Variants in CNIH3 observed in about 807,000 individuals in gnomAD.
CNIH3 encodes the protein protein cornichon homolog 3.
Under a neutral mutation model 24.1 loss-of-function variants are expected in CNIH3, and 14 were observed. The ratio of observed to expected loss-of-function variants is 0.58; its 90% confidence interval spans 0.38 to 0.91. The LOEUF (loss-of-function observed/expected upper bound fraction) is 0.91, where lower values mean the gene tolerates loss of function less well. Ranked by LOEUF, CNIH3 falls within the 40% of genes least tolerant of loss-of-function variation. The pLI is 0.00. For synonymous variants in CNIH3, 68 were observed against 73.8 expected, an observed-to-expected ratio of 0.92 and a Z score of 0.40; for missense variants, 178 against 196.8, an observed-to-expected ratio of 0.90 and a Z score of 0.57.
At position 224,639,567 on chromosome 1, in the gene CNIH3, G is replaced by A. The variant is rs1684255159; in HGVS notation, c.81+22312G>A. 2.6e-5 allele frequency among the ~76,000 whole-genome samples: 4 copies of A among 152,332 alleles called. No individual in the cohort carries two copies. In the South Asian group the frequency reaches 8.3e-4, roughly 32 times the overall value. On this transcript the variant is annotated intron_variant, in intron 1 of 5. Coordinates refer to ENST00000272133, the MANE Select transcript of CNIH3 (RefSeq NM_152495.2). Reference sequence around the variant, plus strand: ...GCCAGAACATGTTTGGTTCCCTGTAGAAACTAAAGATAACATCTTAACATA... The same window carrying A: ...GCCAGAACATGTTTGGTTCCCTGTAAAAACTAAAGATAACATCTTAACATA...
rs915702542 is a variant in CNIH3 at position 224,604,613 on chromosome 1, T to C, written n.402+38349T>C. On this transcript the variant is annotated intron_variant and non_coding_transcript_variant, in intron 3 of 7. Transcript: ENST00000478120. This position sits in a 1 kb window ranked among gnomAD's most constrained non-coding sequence, Gnocchi z 4.4. Reference sequence around the variant, plus strand: ...GGAGCCAGGGATGGGGCTCCCAGACTGTTTAGCTAGAGGAGAGCAGAAGGC... The same window carrying C: ...GGAGCCAGGGATGGGGCTCCCAGACCGTTTAGCTAGAGGAGAGCAGAAGGC... Among the ~76,000 whole-genome samples, 1 of 152,154 alleles carries C rather than the reference T, an allele frequency of 6.6e-6. No homozygotes were observed. Among genetic ancestry groups the C allele is most frequent in the Non-Finnish European group, 1.5e-5 (1 of 68,016 alleles).
intron 1 of CNIH3, among the ~76,000 whole-genome samples, chr1:224,499,743 G>A (rs1891243): frequency 0.52 from 78,470 of 151,654 alleles, 21,816 homozygotes; most frequent in East Asian, 0.76. Flanking sequence ...AATACACGCC[G>A]TTATTTGCTT....
chr1:224,570,715 A>G (rs1428320926), intron 4 of CNIH3, among the ~76,000 whole-genome samples: 1 of 152,118 alleles, frequency 6.6e-6, no homozygotes, highest in East Asian at 1.9e-4. Flanking sequence ...TTTCCTTTAT[A>G]GTTTATATTT....
intron 1 of CNIH3, among the ~76,000 whole-genome samples, chr1:224,494,642 G>A (rs1443851744): frequency 2.0e-5 from 3 of 152,000 alleles, no homozygotes; most frequent in Non-Finnish European, 2.9e-5. Flanking sequence ...TGGTTCTTTC[G>A]GGGTTCCTTT....
At chr1:224,483,662 T>C (rs1676905115) in intron 1 of CNIH3, among the ~76,000 whole-genome samples, 1 of 151,530 alleles carries the variant, frequency 6.6e-6, no homozygotes, top group South Asian at 2.1e-4. Flanking sequence ...CATCCCAAAG[T>C]TCTGGGATTA....
chr1:224,436,689 T>C (rs6426123), intron 1 of CNIH3: 104,577 of 152,124 alleles, frequency 0.69, 38,416 homozygotes, highest in East Asian at 0.99. Context: ...CTCTGGGTCT[T>C]TAGGTCTTTC....
chr1:224,504,839 G>A (rs1462621590), intron 1 of CNIH3, among the ~76,000 whole-genome samples: 6 of 152,258 alleles, frequency 3.9e-5, no homozygotes, highest in South Asian at 2.1e-4. Flanking sequence ...GCTGTTTAGA[G>A]GATCAGATGA....
rs189972983 is a variant in CNIH3 at position 224,504,639 on chromosome 1, C to G, written n.204-11102C>G. 3.5e-3 allele frequency among the ~76,000 whole-genome samples: 538 copies of G among 152,220 alleles called. 4 individuals carry two copies. Among genetic ancestry groups the G allele is most frequent in the African/African-American group, 0.012 (505 of 41,540 alleles). On this transcript the variant is annotated intron_variant and non_coding_transcript_variant, in intron 1 of 5. Transcript: ENST00000471578. ...TCATGTGTCACTAGTCCAACCCCACCTTAATCTTTTTCTGGGTTCTCCTGT... is the reference window on the plus strand; with the variant it reads ...TCATGTGTCACTAGTCCAACCCCACGTTAATCTTTTTCTGGGTTCTCCTGT...
intron 4 of CNIH3, among the ~76,000 whole-genome samples, chr1:224,733,515 C>CT (rs1307497650): frequency 1.2e-4 from 19 of 152,172 alleles, no homozygotes; most frequent in Non-Finnish European, 2.2e-4. Context: ...TGACAGATAA[C>CT]GTCAGTGCAA....
intron 4 of CNIH3, among the ~76,000 whole-genome samples, chr1:224,569,131 G>A (rs1262347952): frequency 6.6e-6 from 1 of 152,236 alleles, no homozygotes; most frequent in Non-Finnish European, 1.5e-5. Flanking sequence ...GCCTCCCAAA[G>A]TGGTGGGATT....
At chr1:224,610,650 C>G (rs1032174989) in intron 3 of CNIH3, among the ~76,000 whole-genome samples, 1 of 152,178 alleles carries the variant, frequency 6.6e-6, no homozygotes, top group Non-Finnish European at 1.5e-5. Flanking sequence ...CAGACTAATG[C>G]AAACTGTATT....
At chr1:224,471,159 C>T (rs993675567) in intron 1 of CNIH3, among the ~76,000 whole-genome samples, 2 of 151,760 alleles carry the variant, frequency 1.3e-5, no homozygotes, top group African/African-American at 4.8e-5. Context: ...CTGCCTCAGC[C>T]TCCCGGGTAG....
chr1:224,441,597 C>T (rs1674918216), intron 1 of CNIH3, among the ~76,000 whole-genome samples: 1 of 152,154 alleles, frequency 6.6e-6, no homozygotes, highest in Non-Finnish European at 1.5e-5. Flanking sequence ...AATGGTAAAA[C>T]ACAATTATGA....
At chr1:224,628,091 A>G (rs1318299875) in intron 1 of CNIH3, among the ~76,000 whole-genome samples, 1 of 151,954 alleles carries the variant, frequency 6.6e-6, no homozygotes, top group Non-Finnish European at 1.5e-5. Context: ...TTAATAGTCT[A>G]GCCCAGATCT....
chr1:224,552,712 G>A (rs61556319), intron 3 of CNIH3, among the ~76,000 whole-genome samples: 2,580 of 150,818 alleles, frequency 0.017, 62 homozygotes, highest in African/African-American at 0.055. Context: ...AATGTATCTC[G>A]CTTAGATATT....
intron 3 of CNIH3, among the ~76,000 whole-genome samples, chr1:224,716,203 G>A (rs1438696881): frequency 6.6e-6 from 1 of 152,046 alleles, no homozygotes; most frequent in East Asian, 1.9e-4. Flanking sequence ...AGAAAGGTAG[G>A]GCCAAAGGAT....
intron 2 of CNIH3, among the ~76,000 whole-genome samples, chr1:224,534,217 A>G (rs1438468935): frequency 6.6e-6 from 1 of 152,194 alleles, no homozygotes; most frequent in Non-Finnish European, 1.5e-5. Flanking sequence ...GGGGAACACA[A>G]TTCAACCATA....
intron 3 of CNIH3, among the ~76,000 whole-genome samples, chr1:224,550,765 C>T (rs999788013): frequency 2.0e-5 from 3 of 151,978 alleles, no homozygotes; most frequent in African/African-American, 7.3e-5. Flanking sequence ...AGGTGAGTTA[C>T]ATATGTATAC....
Position 224,704,673 on chromosome 1 carries a change from T to G in CNIH3, c.198+19830T>G, listed in dbSNP as rs914034583. On this transcript the variant is annotated intron_variant, in intron 3 of 5. Coordinates refer to ENST00000272133, the MANE Select transcript of CNIH3 (RefSeq NM_152495.2). The surrounding 1 kb of genome is among the most constrained non-coding windows in gnomAD (Gnocchi z 4.2). ...TGGATCTGCATCCCCAAATACATCC[T>G]CCGACATAACCACAATACCATTGTC... Among the ~76,000 whole-genome samples, 1 of 152,174 alleles carries G rather than the reference T, an allele frequency of 6.6e-6. No individual in the cohort carries two copies. The highest frequency in any genetic ancestry group is 2.4e-5 in the African/African-American group (1 of 41,442).
Sources: gnomAD v4.1 joint callset for allele counts (sites outside exome capture counted in the v4.1 genomes callset) on GRCh38, gnomAD v4.1.1 for gene constraint, Gnocchi (gnomAD v3.1) non-coding constraint, MANE v1.5 for transcripts, NCBI Gene and HGNC (gene_info 2026-07-23, HGNC 2026-07-21) for gene names.